The following CSMD1 variants were observed in gnomAD, a reference collection of about 807,000 sequenced individuals.
CSMD1 encodes the protein CUB and Sushi multiple domains 1.
Under a neutral mutation model 417.5 loss-of-function variants are expected in CSMD1, and 213 were observed. That is an observed-to-expected ratio of 0.51 (90% CI 0.46 to 0.57). The LOEUF (loss-of-function observed/expected upper bound fraction) is 0.57. Ranked by LOEUF, CSMD1 falls within the 20% of genes least tolerant of loss-of-function variation. The pLI, the probability that CSMD1 is intolerant of heterozygous loss-of-function variation, is 0.00. For missense variants in CSMD1, 6,923 were observed against 4,529.7 expected, an observed-to-expected ratio of 1.53 and a Z score of -15.17; for synonymous variants, 2,862 against 1,736.8, an observed-to-expected ratio of 1.65 and a Z score of -16.11.
At chr8:4,595,990 A>C (rs2130747943) in intron 2 of CSMD1, among the ~76,000 whole-genome samples, 1 of 152,052 alleles carries the variant, frequency 6.6e-6, no homozygotes, top group East Asian at 1.9e-4. Flanking sequence ...GAGATCCCAC[A>C]TCTCCCCATA....
intron 5 of CSMD1, among the ~76,000 whole-genome samples, chr8:3,835,348 G>C (rs1015533400): frequency 2.0e-5 from 3 of 152,148 alleles, no homozygotes; most frequent in Admixed American, 6.6e-5. Flanking sequence ...ACTGGATTAA[G>C]AAACTGTGGT....
intron 7 of CSMD1, among the ~76,000 whole-genome samples, chr8:3,703,956 T>C (rs2623578): frequency 0.95 from 144,633 of 151,994 alleles, 68,871 homozygotes; most frequent in East Asian, 1. Context: ...CTGTACTCCC[T>C]GCTATTTGGG....
At chr8:4,425,313 A>T (rs1457002900) in intron 2 of CSMD1, among the ~76,000 whole-genome samples, 1 of 151,746 alleles carries the variant, frequency 6.6e-6, no homozygotes, top group Non-Finnish European at 1.5e-5. Context: ...GTATGTAGGG[A>T]AAATATATGC....
intron 2 of CSMD1, among the ~76,000 whole-genome samples, chr8:4,584,505 C>A (rs191372954): frequency 6.6e-6 from 1 of 150,860 alleles, no homozygotes; most frequent in Non-Finnish European, 1.5e-5. Flanking sequence ...GGAAAGGGCT[C>A]TCTAACAACC....
intron 1 of CSMD1, among the ~76,000 whole-genome samples, chr8:4,839,065 G>A (rs1800682600): frequency 6.6e-6 from 1 of 152,092 alleles, no homozygotes; most frequent in Admixed American, 6.5e-5. Flanking sequence ...TGTCTGCTTT[G>A]TATTTCTGAC....
chr8:4,789,541 G>A (rs768719428), intron 1 of CSMD1, among the ~76,000 whole-genome samples: 1 of 152,040 alleles, frequency 6.6e-6, no homozygotes, highest in South Asian at 2.1e-4. Flanking sequence ...ATCTACCTGG[G>A]ATCTACCACC....
rs113755424 is a variant in CSMD1 at position 4,446,691 on chromosome 8, T to C, written c.303-26626A>G. On this transcript the variant is annotated intron_variant, in intron 2 of 69. Coordinates refer to ENST00000635120, the MANE Select transcript of CSMD1 (RefSeq NM_033225.6). The stretch of plus-strand genomic sequence containing the variant: ...TCTCAGTCTCCTGAGTAGCTGCGAT[T>C]ACTCGTGCCCACCACCATGCCTGAG... Among the ~76,000 whole-genome samples, 1,073 of 151,826 alleles carry C rather than the reference T, an allele frequency of 7.1e-3. 12 individuals carry two copies. The highest frequency in any genetic ancestry group is 0.024 in the African/African-American group (995 of 41,302).
rs117129971 is a variant in CSMD1, at chr8:4,638,276, T to G, written c.86-718A>C. Reference sequence around the variant, plus strand: ...TACAGAAGAATAAACATTATAAAACTATATACATACACACCTAGCCACATA... The same window carrying G: ...TACAGAAGAATAAACATTATAAAACGATATACATACACACCTAGCCACATA... On this transcript the variant is annotated intron_variant, in intron 1 of 69. Transcript: ENST00000635120. 1.6e-4 allele frequency among the ~76,000 whole-genome samples: 25 copies of G among 152,260 alleles called. 1 individual carries two copies. In the East Asian group the frequency reaches 4.8e-3, roughly 30 times the overall value.
At chr8:4,791,713 AATAGTTCAAGT>A (rs1797700095) in intron 1 of CSMD1, among the ~76,000 whole-genome samples, 2 of 152,168 alleles carry the variant, frequency 1.3e-5, no homozygotes, top group African/African-American at 4.8e-5. Flanking sequence ...TGTGCAAGCC[AATAGTTCAAGT>A]ATTTTCTGAC....
Position 2,938,665 on chromosome 8 carries a change from A to G in CSMD1, c.10615T>C (p.Tyr3539His). The G allele has an allele frequency of 6.2e-7, 1 of 1,611,710 alleles. No individual in the cohort carries two copies. The highest frequency in any genetic ancestry group is 8.5e-7 in the Non-Finnish European group (1 of 1,178,812). ...TCTGTGGGTTTTAAGTTTGTATCATACATGGGGTTTTCAAACGATGCTTGT... is the reference window on the plus strand; with the variant it reads ...TCTGTGGGTTTTAAGTTTGTATCATGCATGGGGTTTTCAAACGATGCTTGT... ...NGQASFENPM[Y>H]DTNLKPTEAK... Residue 3539 changes from tyrosine (Y) to histidine (H), a missense_variant, in exon 70 of 70, where the codon TAT becomes CAT. Transcript: ENST00000635120.
chr8:4,429,458 T>G (rs1797747627), intron 2 of CSMD1, among the ~76,000 whole-genome samples: 1 of 152,030 alleles, frequency 6.6e-6, no homozygotes, highest in South Asian at 2.1e-4. Flanking sequence ...CTCAGTTTGG[T>G]TCTTTGGCAA....
intron 46 of CSMD1, among the ~76,000 whole-genome samples, chr8:3,102,854 TG>T (rs1329027339): frequency 6.6e-6 from 1 of 152,168 alleles, no homozygotes; most frequent in Non-Finnish European, 1.5e-5. Context: ...TCCTGGGCCT[TG>T]AAGCATGACA....
At chr8:4,329,738 G>A (rs1391705091) in intron 3 of CSMD1, among the ~76,000 whole-genome samples, 4 of 152,096 alleles carry the variant, frequency 2.6e-5, no homozygotes, top group African/African-American at 7.2e-5. Flanking sequence ...TGGACTATGG[G>A]AGCAGATTCC....
chr8:4,548,229 G>C (rs1797717497), intron 2 of CSMD1, among the ~76,000 whole-genome samples: 1 of 152,112 alleles, frequency 6.6e-6, no homozygotes, highest in East Asian at 1.9e-4. Flanking sequence ...AATAAAAAAT[G>C]TACGTTGAGT....
At chr8:4,154,841 G>C (rs992457523) in intron 3 of CSMD1, among the ~76,000 whole-genome samples, 1 of 152,178 alleles carries the variant, frequency 6.6e-6, no homozygotes, top group East Asian at 1.9e-4. Flanking sequence ...ATTAGTGAAA[G>C]CTTTCTGATT....
chr8:4,638,564 G>A (rs1000095305), intron 1 of CSMD1, among the ~76,000 whole-genome samples: 18 of 152,152 alleles, frequency 1.2e-4, no homozygotes, highest in African/African-American at 4.3e-4. Flanking sequence ...CTTAGGAGGT[G>A]GAGCAGAAAG....
chr8:4,550,366 C>T (rs998198479), intron 2 of CSMD1, among the ~76,000 whole-genome samples: 2 of 151,010 alleles, frequency 1.3e-5, no homozygotes, highest in African/African-American at 2.4e-5. Context: ...CACACAAACC[C>T]GGTCCCTAGA....
At chr8:4,350,698 G>C (rs1303168224) in intron 3 of CSMD1, among the ~76,000 whole-genome samples, 1 of 152,174 alleles carries the variant, frequency 6.6e-6, no homozygotes, top group African/African-American at 2.4e-5. Context: ...TGATGTCAAG[G>C]TTGTCCACTT....
chr8:3,361,653 A>C (rs1484185896), intron 20 of CSMD1, among the ~76,000 whole-genome samples: 1 of 86,896 alleles, frequency 1.2e-5, no homozygotes, highest in Non-Finnish European at 2.6e-5. Flanking sequence ...TTCCATCTCA[A>C]AAAAAAAAAA....
Sources: gnomAD v4.1 joint callset for allele counts (sites outside exome capture counted in the v4.1 genomes callset) on GRCh38, gnomAD v4.1.1 for gene constraint, MANE v1.5 for transcripts, NCBI Gene and HGNC (gene_info 2026-07-23, HGNC 2026-07-21) for gene names.